Variants in NRG3 observed in about 807,000 individuals in gnomAD.
The protein encoded by NRG3 is pro-neuregulin-3, membrane-bound isoform.
In NRG3, 31 loss-of-function variants were observed where a neutral mutation model predicts 66.9. The ratio of observed to expected loss-of-function variants is 0.46; its 90% CI spans 0.35 to 0.63. The LOEUF (loss-of-function observed/expected upper bound fraction) is 0.63, where lower values mean the gene tolerates loss of function less well. NRG3 is among the 20% of genes least tolerant of loss of function. The pLI is 0.00. For missense variants in NRG3, 910 were observed against 878.9 expected, an observed-to-expected ratio of 1.04 and a Z score of -0.45; for synonymous variants, 393 against 359.4, an observed-to-expected ratio of 1.09 and a Z score of -1.06.
intron 2 of NRG3, among the ~76,000 whole-genome samples, chr10:82,533,552 T>C (rs147483385): frequency 0.012 from 1,786 of 152,278 alleles, 38 homozygotes; most frequent in African/African-American, 0.04. Context: ...AAGAATGTAT[T>C]TCTCTTTCAA....
At chr10:82,184,194 T>C (rs1490297162) in intron 1 of NRG3, among the ~76,000 whole-genome samples, 1 of 152,168 alleles carries the variant, frequency 6.6e-6, no homozygotes, top group Non-Finnish European at 1.5e-5. Context: ...TTTACACTTT[T>C]CACTGTCTTG....
At chr10:82,282,896 A>G (rs1028358519) in intron 1 of NRG3, among the ~76,000 whole-genome samples, 3 of 152,088 alleles carry the variant, frequency 2.0e-5, no homozygotes, top group Admixed American at 2.0e-4. Context: ...AAACACCTGC[A>G]GAGGAGAGAG....
chr10:82,965,696 A>C (rs1466646262), intron 6 of NRG3, among the ~76,000 whole-genome samples: 1 of 152,114 alleles, frequency 6.6e-6, no homozygotes, highest in African/African-American at 2.4e-5. Context: ...AGATCAAGAC[A>C]CTGCACTCCA....
intron 2 of NRG3, among the ~76,000 whole-genome samples, chr10:82,646,684 G>C (rs890392305): frequency 6.6e-6 from 1 of 152,150 alleles, no homozygotes; most frequent in Non-Finnish European, 1.5e-5. Flanking sequence ...AACTTTGCCA[G>C]AGCAAGAGAC....
intron 2 of NRG3, among the ~76,000 whole-genome samples, chr10:82,388,083 A>G (rs375401768): frequency 6.6e-6 from 1 of 152,160 alleles, no homozygotes; most frequent in Non-Finnish European, 1.5e-5. Context: ...TAGATCTTAC[A>G]TATATCCTAG....
chr10:82,721,461 C>T (rs187836143), intron 2 of NRG3, among the ~76,000 whole-genome samples: 4 of 148,702 alleles, frequency 2.7e-5, no homozygotes, highest in Admixed American at 2.0e-4. Context: ...TCACTCTTGT[C>T]GCCCAGGCTG....
rs936228790 is a variant in NRG3, at chr10:82,055,725, A to G, written c.823+179562A>G. Among the ~76,000 whole-genome samples the G allele has an allele frequency of 4.6e-5, 7 of 152,190 alleles. 1 individual carries two copies. Among genetic ancestry groups the G allele is most frequent in the Admixed American group, 2.0e-4 (3 of 15,274 alleles). Reference sequence around the variant, plus strand: ...ATGGGAAAAATGACAGCACATTTGTAAAGCGATGAAAAATTTACAATGCAA... The same window carrying G: ...ATGGGAAAAATGACAGCACATTTGTGAAGCGATGAAAAATTTACAATGCAA... On this transcript the variant is annotated intron_variant, in intron 1 of 8. Transcript: ENST00000372141.
At chr10:82,393,671 C>T (rs1000488568) in intron 2 of NRG3, among the ~76,000 whole-genome samples, 2 of 152,102 alleles carry the variant, frequency 1.3e-5, no homozygotes, top group African/African-American at 2.4e-5. Context: ...GTCAGCTGTT[C>T]GATTCACTCC....
intron 8 of NRG3, among the ~76,000 whole-genome samples, chr10:82,983,004 T>C (rs573856332): frequency 6.6e-6 from 1 of 152,346 alleles, no homozygotes; most frequent in East Asian, 1.9e-4. Flanking sequence ...TATGTCTTAG[T>C]CATGCCACAT....
chr10:82,573,522 C>T (rs1426906595), intron 2 of NRG3, among the ~76,000 whole-genome samples: 1 of 151,732 alleles, frequency 6.6e-6, no homozygotes. Flanking sequence ...TCCATTTAAA[C>T]CTCTCCGCAT....
chr10:82,594,208 A>T (rs932361578), intron 2 of NRG3, among the ~76,000 whole-genome samples: 4 of 152,184 alleles, frequency 2.6e-5, no homozygotes, highest in Non-Finnish European at 4.4e-5. Context: ...CTTCAAGATG[A>T]ATTTGGGTTC....
At chr10:82,646,118 G>T (rs546820498) in intron 2 of NRG3, among the ~76,000 whole-genome samples, 9 of 152,166 alleles carry the variant, frequency 5.9e-5, no homozygotes, top group African/African-American at 2.2e-4. Context: ...TGTATTATTG[G>T]GGATCTGAAT....
chr10:82,701,417 TC>T (rs1455129313), intron 2 of NRG3, among the ~76,000 whole-genome samples: 2 of 152,170 alleles, frequency 1.3e-5, no homozygotes, highest in African/African-American at 4.8e-5. Flanking sequence ...ACATGGTTGT[TC>T]TTGAGTCCTT....
chr10:81,962,414 A>G (rs181284740), intron 1 of NRG3, among the ~76,000 whole-genome samples: 62 of 152,302 alleles, frequency 4.1e-4, no homozygotes, highest in Admixed American at 9.8e-4. Context: ...GTTATTATGT[A>G]TGATAGTAAT....
chr10:82,613,239 CA>C (rs2048419092), intron 2 of NRG3, among the ~76,000 whole-genome samples: 1 of 151,976 alleles, frequency 6.6e-6, no homozygotes, highest in African/African-American at 2.4e-5. Context: ...TATGCAATGG[CA>C]ATACATATAT....
intron 2 of NRG3, among the ~76,000 whole-genome samples, chr10:82,519,793 C>A (rs1027603111): frequency 6.6e-6 from 1 of 152,086 alleles, no homozygotes; most frequent in African/African-American, 2.4e-5. Flanking sequence ...TGAGTTGAAG[C>A]TGGACAGGTA....
chr10:82,720,805 T>TTATATA (rs1363560030), intron 2 of NRG3, among the ~76,000 whole-genome samples: 3 of 63,486 alleles, frequency 4.7e-5, no homozygotes, highest in African/African-American at 2.2e-4. Context: ...TAGGAGTATT[T>TTATATA]TATACATATA....
At chr10:82,816,481 G>A (rs2061709080) in intron 3 of NRG3, among the ~76,000 whole-genome samples, 1 of 151,964 alleles carries the variant, frequency 6.6e-6, no homozygotes, top group African/African-American at 2.4e-5. Context: ...GTCCAGCTGA[G>A]TCCAGGGTTT....
At chr10:82,414,370 G>C (rs968397838) in intron 2 of NRG3, among the ~76,000 whole-genome samples, 4 of 152,012 alleles carry the variant, frequency 2.6e-5, no homozygotes, top group Non-Finnish European at 5.9e-5. Flanking sequence ...GTCTTATATG[G>C]GCATGGTTTG....
Sources: allele counts gnomAD v4.1 joint callset (sites outside exome capture counted in the v4.1 genomes callset), GRCh38; gene constraint gnomAD v4.1.1; transcripts MANE v1.5; gene names NCBI Gene and HGNC (gene_info 2026-07-23, HGNC 2026-07-21).